CDH18: variants seen among roughly 807,000 people sequenced by gnomAD.
The protein encoded by CDH18 is cadherin 18, also known as cadherin-18.
CDH18 carries 31 observed loss-of-function variants against 67.9 expected under a neutral mutation model. That is an observed-to-expected ratio of 0.46 (90% CI 0.34 to 0.62). The LOEUF (loss-of-function observed/expected upper bound fraction) is 0.62. Among genes scored for constraint, CDH18 ranks in the 20% least tolerant of loss-of-function variants. The pLI, the probability that CDH18 is intolerant of heterozygous loss-of-function variation, is 0.01. For missense variants in CDH18, 890 were observed against 975.5 expected (o/e 0.91, Z 1.17); for synonymous variants, 362 against 347.2 (o/e 1.04, Z -0.48).
At chr5:20,476,007 G>A (rs939324067) in intron 1 of CDH18, among the ~76,000 whole-genome samples, 1 of 152,156 alleles carries the variant, frequency 6.6e-6, no homozygotes, top group Non-Finnish European at 1.5e-5. Flanking sequence ...AACACCATAA[G>A]ATGTGCCAAC....
intron 3 of CDH18, among the ~76,000 whole-genome samples, chr5:19,751,771 T>A (rs1188514643): frequency 6.6e-6 from 1 of 152,220 alleles, no homozygotes; most frequent in East Asian, 1.9e-4. Context: ...TATAAAAGGT[T>A]ATGTTAAAGA....
rs771811447 is a variant in CDH18, at chr5:19,571,634, T to C, written c.1198A>G (p.Thr400Ala). ...TGTGCCAAAACTGTACCAACGACGG[T>C]CCCAATCTTGGCATTTTCGTAGACT... ...MEVYENAKIG[T>A]VVGTVLAQDP... The change falls in exon 8 of 13, where the codon ACC (threonine) becomes GCC (alanine). Residue 400 changes from threonine (T) to alanine (A), a missense_variant. By Grantham distance (58) the Thr-to-Ala change is moderately conservative. Transcript: ENST00000382275. 7.4e-6 allele frequency: 12 copies of C among 1,613,862 alleles called. No homozygotes were observed. Among genetic ancestry groups the C allele is most frequent in the Non-Finnish European group, 3.4e-6 (4 of 1,179,900 alleles).
chr5:20,015,244 G>A (rs541305716), intron 2 of CDH18, among the ~76,000 whole-genome samples: 17 of 152,156 alleles, frequency 1.1e-4, no homozygotes, highest in East Asian at 3.9e-4. Flanking sequence ...TAGGTCCCAC[G>A]TTTATTAAAA....
intron 2 of CDH18, among the ~76,000 whole-genome samples, chr5:20,104,759 T>G (rs1016637968): frequency 6.6e-6 from 1 of 152,056 alleles, no homozygotes; most frequent in Non-Finnish European, 1.5e-5. Flanking sequence ...AGATCTTTAT[T>G]CTAATGCTAC....
At chr5:20,087,169 G>A (rs950102572) in intron 2 of CDH18, among the ~76,000 whole-genome samples, 6 of 152,118 alleles carry the variant, frequency 3.9e-5, no homozygotes, top group Non-Finnish European at 7.4e-5. Context: ...GAAATAGGAA[G>A]AGGGCTAGTA....
At chr5:20,486,736 G>T (rs957003643) in intron 1 of CDH18, among the ~76,000 whole-genome samples, 2 of 150,300 alleles carry the variant, frequency 1.3e-5, no homozygotes, top group Non-Finnish European at 3.0e-5. Flanking sequence ...TGTGTGTTGT[G>T]TGTACTCCAT....
chr5:20,200,588 T>C (rs769905013), intron 2 of CDH18, among the ~76,000 whole-genome samples: 6 of 152,102 alleles, frequency 3.9e-5, no homozygotes, highest in Admixed American at 1.3e-4. Context: ...AGGTAAAGGA[T>C]AGCTTGAGCC....
chr5:19,910,808 G>A lies in CDH18; in HGVS notation c.-257+70252C>T, dbSNP rs115779342. On this transcript the variant is annotated intron_variant, in intron 2 of 12. Transcript: ENST00000382275. ...TCTTTTGGAGCCTATAGCCTAGGAG[G>A]TGGGGTAAAGACATGAATCCAATAA... is the stretch of plus-strand genomic sequence containing the variant. 6.9e-3 allele frequency among the ~76,000 whole-genome samples: 1,051 copies of A among 152,194 alleles called. 8 individuals carry two copies. Among genetic ancestry groups the A allele is most frequent in the Middle Eastern group, 0.027 (8 of 294 alleles).
intron 2 of CDH18, among the ~76,000 whole-genome samples, chr5:20,073,437 C>T (rs1580176726): frequency 1.3e-5 from 2 of 151,916 alleles, no homozygotes; most frequent in South Asian, 4.1e-4. Context: ...TGTTTCACTG[C>T]ATTTTGAACC....
chr5:19,597,925 A>T (rs1243481908), intron 6 of CDH18, among the ~76,000 whole-genome samples: 1 of 152,170 alleles, frequency 6.6e-6, no homozygotes, highest in Non-Finnish European at 1.5e-5. Context: ...TTGAGATGTA[A>T]CTAAGATGTC....
At chr5:20,201,499 TTTTTTG>T (rs1030034436) in intron 2 of CDH18, among the ~76,000 whole-genome samples, 13 of 152,094 alleles carry the variant, frequency 8.5e-5, no homozygotes, top group East Asian at 3.9e-4. Flanking sequence ...TGAAGTGTTT[TTTTTTG>T]TTTTTGTTTT....
At chr5:19,488,893 C>T (rs775225363) in intron 11 of CDH18, among the ~76,000 whole-genome samples, 2 of 152,114 alleles carry the variant, frequency 1.3e-5, no homozygotes, top group South Asian at 2.1e-4. Context: ...TCTCCATTTT[C>T]GGACTCTGGA....
intron 2 of CDH18, among the ~76,000 whole-genome samples, chr5:19,864,685 T>G (rs1785291234): frequency 1.3e-5 from 2 of 152,138 alleles, no homozygotes; most frequent in Non-Finnish European, 2.9e-5. Flanking sequence ...CTTGGGACTT[T>G]TATGCCACAC....
chr5:20,320,473 C>T (rs1737903537), intron 1 of CDH18, among the ~76,000 whole-genome samples: 1 of 152,130 alleles, frequency 6.6e-6, no homozygotes, highest in Non-Finnish European at 1.5e-5. Context: ...CCTAACTCAA[C>T]CTAATTTTTT....
At chr5:20,552,360 C>T (rs2126624503) in intron 1 of CDH18, among the ~76,000 whole-genome samples, 1 of 152,086 alleles carries the variant, frequency 6.6e-6, no homozygotes, top group Admixed American at 6.6e-5. Flanking sequence ...GCCTGTTATC[C>T]CAGCTACTTG....
intron 11 of CDH18, among the ~76,000 whole-genome samples, chr5:19,486,038 C>A (rs1016133474): frequency 1.3e-5 from 2 of 151,984 alleles, no homozygotes; most frequent in Admixed American, 6.6e-5. Context: ...ATCTCTAAGA[C>A]ATAAGGACAT....
intron 2 of CDH18, among the ~76,000 whole-genome samples, chr5:20,004,870 G>C (rs1420666375): frequency 6.6e-6 from 1 of 152,084 alleles, no homozygotes; most frequent in East Asian, 1.9e-4. Context: ...CCAAATAACA[G>C]AGAAAATAAA....
chr5:19,723,691 C>T (rs1359631835), intron 4 of CDH18, among the ~76,000 whole-genome samples: 1 of 151,940 alleles, frequency 6.6e-6, no homozygotes, highest in South Asian at 2.1e-4. Flanking sequence ...TTGAATAGGG[C>T]ATTTTATTTT....
chr5:20,382,839 G>A (rs1323769228), intron 1 of CDH18, among the ~76,000 whole-genome samples: 2 of 152,028 alleles, frequency 1.3e-5, no homozygotes, highest in Non-Finnish European at 2.9e-5. Context: ...AGTGTGGACT[G>A]TTTTTTTCTC....
Sources: gnomAD v4.1 joint callset for allele counts (sites outside exome capture counted in the v4.1 genomes callset) on GRCh38, gnomAD v4.1.1 for gene constraint, MANE v1.5 for transcripts, NCBI Gene and HGNC (gene_info 2026-07-23, HGNC 2026-07-21) for gene names.